Variants in PVT1 observed in about 807,000 individuals in gnomAD.
PVT1 encodes the protein CXCR4/PVT1 fusion.
At chr8:127,924,506 G>GTA (rs1310018434) in intron 3 of PVT1, among the ~76,000 whole-genome samples, 1 of 74,410 alleles carries the variant, frequency 1.3e-5, no homozygotes, top group Admixed American at 1.8e-4. Context: ...GCTAACTTTT[G>GTA]TATTTTTTTT....
chr8:127,810,760 G>A (rs192372666), intron 2 of PVT1, among the ~76,000 whole-genome samples: 1 of 152,236 alleles, frequency 6.6e-6, no homozygotes, highest in Non-Finnish European at 1.5e-5. Flanking sequence ...CAGGGAAATG[G>A]GACAGGATTT....
chr8:128,050,624 C>T (rs898133026), intron 4 of PVT1, among the ~76,000 whole-genome samples: 10 of 152,156 alleles, frequency 6.6e-5, no homozygotes, highest in Non-Finnish European at 8.8e-5. Context: ...GGGTTCAGAC[C>T]TCAGCTCCAA....
chr8:127,871,992 T>C (rs139664435), intron 2 of PVT1, among the ~76,000 whole-genome samples: 9,319 of 152,300 alleles, frequency 0.061, 373 homozygotes, highest in Non-Finnish European at 0.093. Flanking sequence ...TTCTGGAGGC[T>C]GAGGCAGGAG....
In PVT1 at chr8:127,800,985, C is replaced by G. The variant is rs545417472; in HGVS notation, n.372+4914C>G. On this transcript the variant is annotated intron_variant and non_coding_transcript_variant, in intron 2 of 10. Coordinates refer to ENST00000651587, the Ensembl canonical transcript of PVT1. ...AGGGCAGGCTCCATGGAGGAGCTGA[C>G]GTTAACCTCCACCTGAAGTAGGGGA... 2.0e-5 allele frequency among the ~76,000 whole-genome samples: 3 copies of G among 152,060 alleles called. No individual in the cohort carries two copies. The South Asian group carries it at 6.2e-4, about 31-fold the overall frequency.
intron 4 of PVT1, among the ~76,000 whole-genome samples, chr8:128,041,701 C>T (rs57667636): frequency 6.7e-6 from 1 of 150,236 alleles, no homozygotes; most frequent in Non-Finnish European, 1.5e-5. Flanking sequence ...GTGTGTTGTT[C>T]GTGTGTGCAT....
chr8:127,810,399 A>G (rs955790517), intron 2 of PVT1, among the ~76,000 whole-genome samples: 2 of 152,226 alleles, frequency 1.3e-5, no homozygotes, highest in Non-Finnish European at 2.9e-5. Context: ...AAAAGCTTTT[A>G]ATGGCTTCCC....
Position 127,797,884 on chromosome 8 carries a change from G to A in PVT1, n.372+1813G>A, listed in dbSNP as rs532485777. Among the ~76,000 whole-genome samples, 157 of 152,280 alleles carry A rather than the reference G, an allele frequency of 1.0e-3. 2 individuals carry two copies. The highest frequency in any genetic ancestry group is 1.3e-3 in the Non-Finnish European group (91 of 68,028). Reference sequence around the variant, plus strand: ...TGGTTTTGCAGATGAGGAACCCACAGCCCAGAGAGGTTAAAAATATCCTCC... The same window carrying A: ...TGGTTTTGCAGATGAGGAACCCACAACCCAGAGAGGTTAAAAATATCCTCC... On this transcript the variant is annotated intron_variant and non_coding_transcript_variant, in intron 2 of 10. Transcript: ENST00000651587.
chr8:127,843,272 GA>G (rs148106364), intron 2 of PVT1, among the ~76,000 whole-genome samples: 6,628 of 152,228 alleles, frequency 0.044, 515 homozygotes, highest in African/African-American at 0.15. Flanking sequence ...TTGAACCCGG[GA>G]GGTGGAGGTT....
At chr8:127,927,833 G>A (rs62512789) in intron 3 of PVT1, among the ~76,000 whole-genome samples, 12,846 of 152,284 alleles carry the variant, frequency 0.084, 697 homozygotes, top group Middle Eastern at 0.14. Context: ...CTGAATTCAC[G>A]AGCAGTTTGA....
intron 5 of PVT1, among the ~76,000 whole-genome samples, chr8:128,077,641 GT>G (rs1814108925): frequency 1.3e-5 from 2 of 152,144 alleles, no homozygotes; most frequent in African/African-American, 4.8e-5. Context: ...TGATAAATTC[GT>G]TTTTTAAAAC....
At chr8:127,953,064 C>G (rs1207106366) in intron 3 of PVT1, among the ~76,000 whole-genome samples, 1 of 152,072 alleles carries the variant, frequency 6.6e-6, no homozygotes, top group Non-Finnish European at 1.5e-5. Flanking sequence ...GCGTCCGGCC[C>G]GTGCCTGCAT....
At chr8:127,960,969 G>A (rs1816636223) in intron 3 of PVT1, among the ~76,000 whole-genome samples, 2 of 151,416 alleles carry the variant, frequency 1.3e-5, no homozygotes, top group Admixed American at 6.6e-5. Context: ...GCACGAATAG[G>A]GGAGGAATTT....
chr8:127,855,266 C>T (rs980914393), intron 2 of PVT1: 10 of 398,612 alleles, frequency 2.5e-5, no homozygotes, highest in Admixed American at 4.4e-5. Flanking sequence ...GGGATTTCAT[C>T]GCTGAGGTGG....
At chr8:127,869,948 C>T (rs1294016414) in intron 2 of PVT1, among the ~76,000 whole-genome samples, 1 of 152,124 alleles carries the variant, frequency 6.6e-6, no homozygotes, top group African/African-American at 2.4e-5. Flanking sequence ...AGATTACAGG[C>T]ACCCGCCACC....
In PVT1 at chr8:127,836,323, G is replaced by T. The variant is rs1189628240; in HGVS notation, n.372+40252G>T. 2.0e-5 allele frequency among the ~76,000 whole-genome samples: 3 copies of T among 152,132 alleles called. No individual in the cohort carries two copies. In the South Asian group the frequency reaches 6.2e-4, roughly 32 times the overall value. ...AATTTTAATTTTTATTTTACATTCC[G>T]AGGTACATGTGCAGGATGTGCAGAT... On this transcript the variant is annotated intron_variant and non_coding_transcript_variant, in intron 2 of 10. Transcript: ENST00000651587.
At chr8:127,980,791 C>CTTTTTTTTTTTTTTTTTTTT (rs11361552) in intron 3 of PVT1, among the ~76,000 whole-genome samples, 7 of 120,416 alleles carry the variant, frequency 5.8e-5, no homozygotes, top group Non-Finnish European at 6.7e-5. Flanking sequence ...ACTACAGCTT[C>CTTTTTTTTTTTTTTTTTTTT]TTTTTTTTTT....
intron 3 of PVT1, among the ~76,000 whole-genome samples, chr8:127,919,761 G>A (rs949793269): frequency 2.0e-5 from 3 of 152,140 alleles, no homozygotes; most frequent in Non-Finnish European, 4.4e-5. Flanking sequence ...CTGGGGACTC[G>A]GGGAAGGTCA....
intron 2 of PVT1, among the ~76,000 whole-genome samples, chr8:127,847,963 G>A (rs1178518969): frequency 6.6e-6 from 1 of 152,122 alleles, no homozygotes; most frequent in African/African-American, 2.4e-5. Flanking sequence ...GAGTGCAGTG[G>A]TGTGATCATA....
At chr8:127,968,735 G>A (rs780515341) in intron 3 of PVT1, among the ~76,000 whole-genome samples, 3 of 152,170 alleles carry the variant, frequency 2.0e-5, no homozygotes, top group Admixed American at 1.3e-4. Flanking sequence ...AAGTTATGGT[G>A]AGGTCATCTT....
Sources: gnomAD v4.1 joint callset for allele counts (sites outside exome capture counted in the v4.1 genomes callset) on GRCh38, gnomAD v4.1.1 for gene constraint, MANE v1.5 for transcripts, NCBI Gene and HGNC (gene_info 2026-07-23, HGNC 2026-07-21) for gene names.